PCCB: variants seen among roughly 807,000 people sequenced by gnomAD.
The protein encoded by PCCB is propionyl-CoA carboxylase subunit beta, also known as propionyl-CoA carboxylase beta chain, mitochondrial.
Under a neutral mutation model 60.7 loss-of-function variants are expected in PCCB, and 43 were observed. The ratio of observed to expected loss-of-function variants is 0.71; its 90% CI spans 0.55 to 0.91. The LOEUF is 0.91. Ranked by LOEUF, PCCB falls within the 40% of genes least tolerant of loss-of-function variation. The probability of loss-of-function intolerance (pLI) is 0.00; values close to 1 mark genes in which losing one functional copy is unlikely to be tolerated. For synonymous variants in PCCB, 276 were observed against 255.9 expected, an observed-to-expected ratio of 1.08 and a Z score of -0.75; for missense variants, 766 against 702.8, an observed-to-expected ratio of 1.09 and a Z score of -1.02.
intron 9 of PCCB, among the ~76,000 whole-genome samples, chr3:136,302,050 G>A (rs1934307296): frequency 6.6e-6 from 1 of 152,192 alleles, no homozygotes; most frequent in South Asian, 2.1e-4. Context: ...CCTCGCAACA[G>A]TGTGGGGAGT....
chr3:136,299,882 A>G (rs774065418), intron 8 of PCCB, among the ~76,000 whole-genome samples: 8 of 151,864 alleles, frequency 5.3e-5, no homozygotes, highest in Non-Finnish European at 1.0e-4. Context: ...ATGCATGTGT[A>G]TGTACGTATA....
intron 5 of PCCB, among the ~76,000 whole-genome samples, chr3:136,279,367 T>C (rs1256616914): frequency 6.6e-6 from 1 of 152,224 alleles, no homozygotes; most frequent in Non-Finnish European, 1.5e-5. Context: ...CCTCAGTTCC[T>C]CCATTATGGC....
chr3:136,327,818 G>A (rs1445010793), intron 13 of PCCB, 86 bp downstream of exon 13: 8 of 1,084,262 alleles, frequency 7.4e-6, no homozygotes, highest in African/African-American at 1.5e-5. Flanking sequence ...AAATGTTGGA[G>A]AGAGGCCAGG....
At chr3:136,308,234 C>CT (rs71157373) in intron 9 of PCCB, among the ~76,000 whole-genome samples, 127,114 of 130,324 alleles carry the variant, frequency 0.98, 62,063 homozygotes, top group Non-Finnish European at 0.99. Context: ...TAAGGAAGGA[C>CT]TTTTTTTTTT....
At chr3:136,265,147 C>T (rs1941952434) in intron 5 of PCCB, among the ~76,000 whole-genome samples, 1 of 152,120 alleles carries the variant, frequency 6.6e-6, no homozygotes, top group South Asian at 2.1e-4. Flanking sequence ...GAACTGAGAT[C>T]ATGCCACTGC....
At chr3:136,323,278 T>C (rs928523544) in intron 10 of PCCB, among the ~76,000 whole-genome samples, 2 of 152,188 alleles carry the variant, frequency 1.3e-5, no homozygotes, top group Non-Finnish European at 2.9e-5. Flanking sequence ...GTTCTGCTCA[T>C]TTAATTTTTT....
chr3:136,270,633 G>A (rs1282500965), intron 5 of PCCB, among the ~76,000 whole-genome samples: 1 of 152,070 alleles, frequency 6.6e-6, no homozygotes, highest in South Asian at 2.1e-4. Context: ...AGCCTCCCGA[G>A]TAGCTGGGAC....
At chr3:136,264,440 G>GTATATGTGTGTATATATATA (rs1941919509) in intron 5 of PCCB, among the ~76,000 whole-genome samples, 1 of 123,782 alleles carries the variant, frequency 8.1e-6, no homozygotes, top group African/African-American at 3.0e-5. Flanking sequence ...ATGTGTGTGT[G>GTATATGTGTGTATATATATA]TATATATGTA....
At chr3:136,312,419 C>T (rs968134051) in intron 9 of PCCB, among the ~76,000 whole-genome samples, 1 of 152,198 alleles carries the variant, frequency 6.6e-6, no homozygotes, top group Admixed American at 6.5e-5. Flanking sequence ...ATAGGACCAC[C>T]TTCCTATAGG....
rs1354947792 is a variant in PCCB at position 136,305,221 on chromosome 3, A to G, written c.966+4110A>G. Among the ~76,000 whole-genome samples, 6 of 118,654 alleles carry G rather than the reference A, an allele frequency of 5.1e-5. 1 individual carries two copies. Among genetic ancestry groups the G allele is most frequent in the African/African-American group, 1.5e-4 (6 of 39,350 alleles). The allele number at this position is 118,654 out of a possible 152,430, so 77.8% of individuals were successfully genotyped here. On this transcript the variant is annotated intron_variant, in intron 9 of 14. Transcript: ENST00000251654. ...GAGATGCTTCTGCCTCAGCCTCTCA[A>G]GTAGCTGGGATTACAGGTGTGTGCC...
chr3:136,293,392 G>A (rs549587244), intron 6 of PCCB, among the ~76,000 whole-genome samples: 20 of 152,326 alleles, frequency 1.3e-4, no homozygotes, highest in African/African-American at 4.6e-4. Context: ...AAATGAGGGT[G>A]ATAATAGTAC....
intron 5 of PCCB, among the ~76,000 whole-genome samples, chr3:136,265,543 C>T (rs2032796841): frequency 6.6e-6 from 1 of 151,922 alleles, no homozygotes; most frequent in South Asian, 2.1e-4. Flanking sequence ...CATCATTTAC[C>T]AGTTGAAGGA....
chr3:136,277,830 G>A (rs368717564), intron 5 of PCCB, among the ~76,000 whole-genome samples: 1 of 152,154 alleles, frequency 6.6e-6, no homozygotes, highest in African/African-American at 2.4e-5. Flanking sequence ...CCTGCCCCAG[G>A]CCATAAGCTT....
chr3:136,256,510 A>G, intron 2 of PCCB, 45 bp from the exon 3 acceptor site: 1 of 1,390,276 alleles, frequency 7.2e-7, no homozygotes, highest in Non-Finnish European at 1.0e-6. Flanking sequence ...TCATTAGAAG[A>G]AGTATTTGGA....
chr3:136,330,058 A>G lies in PCCB; in HGVS notation c.*32A>G, dbSNP rs546445188. 1.9e-6 allele frequency: 3 copies of G among 1,613,660 alleles called. No individual in the cohort carries two copies. Among genetic ancestry groups the G allele is most frequent in the Admixed American group, 3.3e-5 (2 of 60,014 alleles). On this transcript the variant is annotated 3_prime_UTR_variant, in exon 15 of 15. Coordinates refer to ENST00000251654, the MANE Select transcript of PCCB (RefSeq NM_000532.5). The stretch of plus-strand genomic sequence containing the variant: ...CAAAGGAAAAGAAACCAAGAACTGA[A>G]TTACTGTCTGCCCATTCACATCCCA...
intron 5 of PCCB, among the ~76,000 whole-genome samples, chr3:136,262,900 G>C (rs1286125038): frequency 1.3e-5 from 2 of 151,664 alleles, no homozygotes; most frequent in African/African-American, 2.4e-5. Context: ...TTTAGAGCTT[G>C]ACTGGATTTT....
intron 10 of PCCB, among the ~76,000 whole-genome samples, chr3:136,323,823 A>AC (rs759485364): frequency 7.9e-5 from 12 of 151,164 alleles, no homozygotes; most frequent in Non-Finnish European, 1.8e-4. Context: ...AAAAAAAAAA[A>AC]CCCACTAGTA....
chr3:136,288,040 A>G (rs1319537635), intron 6 of PCCB, among the ~76,000 whole-genome samples: 1 of 152,172 alleles, frequency 6.6e-6, no homozygotes, highest in Non-Finnish European at 1.5e-5. Flanking sequence ...ACATAGTTTA[A>G]TTGTGCCAGT....
At chr3:136,325,509 A>G (rs1425262618) in intron 10 of PCCB, among the ~76,000 whole-genome samples, 3 of 151,704 alleles carry the variant, frequency 2.0e-5, no homozygotes, top group Middle Eastern at 3.4e-3. Flanking sequence ...GGTGCCTGCA[A>G]CCACGCCTGG....
Sources: gnomAD v4.1 joint callset for allele counts (sites outside exome capture counted in the v4.1 genomes callset) on GRCh38, gnomAD v4.1.1 for gene constraint, MANE v1.5 for transcripts, NCBI Gene and HGNC (gene_info 2026-07-23, HGNC 2026-07-21) for gene names.